CDC20B: variants seen among roughly 807,000 people sequenced by gnomAD.
CDC20B encodes cell division cycle 20B.
In CDC20B, 58 loss-of-function variants were observed where a neutral mutation model predicts 64.1. The ratio of observed to expected loss-of-function variants is 0.90; its 90% CI spans 0.73 to 1.13. CDC20B has a LOEUF of 1.13. CDC20B is among the 50% of genes most tolerant of loss of function. The probability of loss-of-function intolerance (pLI) is 0.00; values close to 1 mark genes in which losing one functional copy is unlikely to be tolerated. For missense variants in CDC20B, 597 were observed against 633.0 expected (o/e 0.94, Z 0.61); for synonymous variants, 243 against 230.6 (o/e 1.05, Z -0.49).
chr5:55,114,050 G>A lies in CDC20B; in HGVS notation c.*168C>T. 8.1e-7 allele frequency: 1 copy of A among 1,233,204 alleles called. No individual in the cohort carries two copies. Among genetic ancestry groups the A allele is most frequent in the Non-Finnish European group, 1.1e-6 (1 of 921,488 alleles). The allele number at this position is 1,233,204 out of a possible 1,614,324, so 76.4% of individuals were successfully genotyped here. A position where few individuals can be genotyped will look rare whatever the true frequency, so the allele number is the denominator to read the frequency against. On this transcript the variant is annotated 3_prime_UTR_variant, in exon 12 of 12. Coordinates refer to ENST00000381375, the MANE Select transcript of CDC20B (RefSeq NM_001170402.1). This position sits in a 1 kb window ranked among gnomAD's most constrained non-coding sequence, Gnocchi z 4.1. ...AAGAAAAGAAGCGGATCTCTGGGAAGCAGAGCAAGTAAAGCAATCTGCAAA... is the reference window on the plus strand; with the variant it reads ...AAGAAAAGAAGCGGATCTCTGGGAAACAGAGCAAGTAAAGCAATCTGCAAA...
intron 6 of CDC20B, among the ~76,000 whole-genome samples, chr5:55,131,823 G>A (rs1385871874): frequency 6.6e-6 from 1 of 152,182 alleles, no homozygotes; most frequent in African/African-American, 2.4e-5. Flanking sequence ...CCAGCACTTT[G>A]GGAGGCCAAG....
chr5:55,158,196 T>C (rs1271120979), intron 2 of CDC20B, among the ~76,000 whole-genome samples: 1 of 152,140 alleles, frequency 6.6e-6, no homozygotes, highest in African/African-American at 2.4e-5. Flanking sequence ...TTCTAACAAA[T>C]GCCCAGGTGA....
chr5:55,160,203 T>C (rs1328920627), intron 2 of CDC20B: 2 of 1,613,772 alleles, frequency 1.2e-6, no homozygotes, highest in Non-Finnish European at 1.7e-6. Flanking sequence ...ATGGAGCCTC[T>C]TGCAGCTTAC....
At chr5:55,172,780 A>G in intron 1 of CDC20B, 130 bp from the exon 2 acceptor site, 1 of 820,776 alleles carries the variant, frequency 1.2e-6, no homozygotes, top group Non-Finnish European at 1.9e-6. Flanking sequence ...TTTTTTGGCA[A>G]CTAGGCACCT....
chr5:55,138,924 T>C (rs765032731), intron 5 of CDC20B, among the ~76,000 whole-genome samples: 6 of 151,586 alleles, frequency 4.0e-5, no homozygotes, highest in African/African-American at 7.3e-5. Flanking sequence ...TCCAGGATAT[T>C]TCATAAAGAA....
chr5:55,133,364 G>T, intron 6 of CDC20B, 48 bp downstream of exon 6: 3 of 893,170 alleles, frequency 3.4e-6, no homozygotes, highest in Non-Finnish European at 5.2e-6. Context: ...AGCACAGGAT[G>T]CATTTTGTCA....
At chr5:55,148,462 G>C (rs112856433) in intron 2 of CDC20B, among the ~76,000 whole-genome samples, 1 of 152,140 alleles carries the variant, frequency 6.6e-6, no homozygotes, top group Non-Finnish European at 1.5e-5. Context: ...GCTTGAAATC[G>C]TAGCTCTTTG....
At position 55,120,455 on chromosome 5, in the gene CDC20B, C is replaced by T. The variant is rs145096410; in HGVS notation, c.1311G>A (p.Lys437=). Residue 437 remains lysine, a synonymous_variant, in exon 10 of 12, where the codon AAG becomes AAA. Coordinates refer to ENST00000381375, the MANE Select transcript of CDC20B (RefSeq NM_001170402.1). Reference sequence around the variant, plus strand: ...AGTTTGTGCTTGGGGTCTGGATGCTCTTCCCAGCATTTATATCCAAGATGT... The same window carrying T: ...AGTTTGTGCTTGGGGTCTGGATGCTTTTCCCAGCATTTATATCCAAGATGT... ...RLHILDINAG[K]SIQTPSTNSQ... is the part of the protein sequence containing the mutation. The T allele has an allele frequency of 1.8e-5, 29 of 1,613,794 alleles. No homozygotes were observed. The African/African-American group carries it at 2.3e-4, about 13-fold the overall frequency.
At position 55,160,100 on chromosome 5, in the gene CDC20B, C is replaced by T. The variant is rs1028510997; in HGVS notation, c.126+12488G>A. 9.1e-6 allele frequency: 8 copies of T among 882,022 alleles called. No homozygotes were observed. The Admixed American group carries it at 1.5e-4, about 17-fold the overall frequency. The allele number at this position is 882,022 out of a possible 1,614,324, so 54.6% of individuals were successfully genotyped here. ...TTAGCAGTGAAAGCAGTCAGCCTGT[C>T]CTTCCTGGTTTTCCGTTAAACTAAG... On this transcript the variant is annotated intron_variant, in intron 2 of 11. Coordinates refer to ENST00000381375, the MANE Select transcript of CDC20B (RefSeq NM_001170402.1).
intron 2 of CDC20B, chr5:55,161,397 C>G (rs113145409): frequency 1.9e-5 from 15 of 791,738 alleles, no homozygotes; most frequent in African/African-American, 1.6e-4. Flanking sequence ...AGAATCTCAT[C>G]CTTTGTAACT....
chr5:55,144,576 GAGA>G (rs1364521503), intron 3 of CDC20B, among the ~76,000 whole-genome samples: 1 of 152,184 alleles, frequency 6.6e-6, no homozygotes, highest in African/African-American at 2.4e-5. Context: ...TACATTTAGG[GAGA>G]AGAAGGATAA....
intron 3 of CDC20B, 120 bp downstream of exon 3, chr5:55,146,508 A>G: frequency 1.5e-6 from 1 of 672,240 alleles, no homozygotes; most frequent in Non-Finnish European, 2.5e-6. Context: ...TCAAAGGGAG[A>G]AAAAGAGAAA....
At chr5:55,172,805 A>G (rs1744649370) in intron 1 of CDC20B, 133 bp downstream of exon 1, 1 of 986,160 alleles carries the variant, frequency 1.0e-6, no homozygotes, top group African/African-American at 1.7e-5. Flanking sequence ...AATATAACTA[A>G]ATTACATCAC....
At position 55,140,415 on chromosome 5, in the gene CDC20B, T is replaced by C. The variant is rs1743298917; in HGVS notation, c.487-8A>G. 1 of 1,573,146 alleles carries C rather than the reference T, an allele frequency of 6.4e-7. No homozygotes were observed. The highest frequency in any genetic ancestry group is 8.7e-7 in the Non-Finnish European group (1 of 1,144,714). On this transcript the variant is annotated splice_region_variant and splice_polypyrimidine_tract_variant and intron_variant, in intron 4 of 11. Transcript: ENST00000381375. ...GAGTTGTTTTAGGCATTTCTGAAAA[T>C]AAACACACATAAGGAGAATATTTCT...
chr5:55,153,044 G>T (rs368393866), intron 2 of CDC20B, among the ~76,000 whole-genome samples: 27 of 151,970 alleles, frequency 1.8e-4, no homozygotes, highest in African/African-American at 5.3e-4. Context: ...TTCAAGACCA[G>T]CCTCGACAAT....
intron 2 of CDC20B, chr5:55,160,768 C>A: frequency 2.0e-6 from 1 of 492,666 alleles, no homozygotes; most frequent in Non-Finnish European, 3.5e-6. Context: ...TAAAAATAAA[C>A]TTTCATGAGT....
intron 3 of CDC20B, among the ~76,000 whole-genome samples, chr5:55,146,034 C>T (rs550524358): frequency 6.6e-6 from 1 of 152,196 alleles, no homozygotes; most frequent in East Asian, 1.9e-4. Flanking sequence ...TACATTCATA[C>T]AATCTTTACA....
At chr5:55,156,766 C>T (rs1009285697) in intron 2 of CDC20B, among the ~76,000 whole-genome samples, 4 of 152,026 alleles carry the variant, frequency 2.6e-5, no homozygotes, top group Middle Eastern at 3.4e-3. Context: ...CCCAGCTACT[C>T]GGGAGGCTGA....
intron 10 of CDC20B, 82 bp downstream of exon 10, chr5:55,120,343 G>A: frequency 6.7e-7 from 1 of 1,497,334 alleles, no homozygotes; most frequent in Non-Finnish European, 9.2e-7. Flanking sequence ...AGAGCTTGTT[G>A]GGGGCATAGG....
Sources: allele counts gnomAD v4.1 joint callset (sites outside exome capture counted in the v4.1 genomes callset), GRCh38; gene constraint gnomAD v4.1.1; non-coding constraint Gnocchi (gnomAD v3.1); transcripts MANE v1.5; gene names NCBI Gene and HGNC (gene_info 2026-07-23, HGNC 2026-07-21).